BBS4: variants seen among roughly 807,000 people sequenced by gnomAD.
BBS4 encodes BBSome complex member BBS4.
Under a neutral mutation model 71.4 loss-of-function variants are expected in BBS4, and 58 were observed. That is an observed-to-expected ratio of 0.81 (90% CI 0.66 to 1.01). The LOEUF (loss-of-function observed/expected upper bound fraction) is 1.01, where lower values mean the gene tolerates loss of function less well. Among genes scored for constraint, BBS4 ranks in the 50% least tolerant of loss-of-function variants. The pLI is 0.00. For missense variants in BBS4, 660 were observed against 607.9 expected (o/e 1.09, Z -0.90); for synonymous variants, 228 against 216.8 (o/e 1.05, Z -0.46).
rs1468911853 is a variant in BBS4 at position 72,738,105 on chromosome 15, C to A, written c.*518C>A. On this transcript the variant is annotated 3_prime_UTR_variant, in exon 16 of 16. Transcript: ENST00000268057. ...TAGTATACATTTAAAAGAAAAAAAA[C>A]AAAAGCCCTGGAAGTTGAGGCCAAG... 2.2e-6 allele frequency: 1 copy of A among 452,704 alleles called. No homozygotes were observed. The highest frequency in any genetic ancestry group is 2.0e-5 in the African/African-American group (1 of 49,752). The allele number at this position is 452,704 out of a possible 1,614,324, so 28.0% of individuals were successfully genotyped here.
chr15:72,724,406 G>C lies in BBS4; in HGVS notation c.460-122G>C. ...TTTTGGTCTTTGGGTAGTGGGGGCT[G>C]TTTGCTGAAATGTGATGTTCCTATG... On this transcript the variant is annotated intron_variant, in intron 7 of 15. Coordinates refer to ENST00000268057, the MANE Select transcript of BBS4 (RefSeq NM_033028.5). 5 of 1,446,668 alleles carry C rather than the reference G, an allele frequency of 3.5e-6. No individual in the cohort carries two copies. The Admixed American group carries it at 5.6e-5, about 16-fold the overall frequency. The allele number at this position is 1,446,668 out of a possible 1,614,324, so 89.6% of individuals were successfully genotyped here. A position where few individuals can be genotyped will look rare whatever the true frequency, so the allele number is the denominator to read the frequency against.
chr15:72,725,632 C>CT (rs2065657570), intron 8 of BBS4, among the ~76,000 whole-genome samples: 1 of 152,094 alleles, frequency 6.6e-6, no homozygotes, highest in Non-Finnish European at 1.5e-5. Flanking sequence ...AACATTTGGC[C>CT]TTATTAGCAT....
intron 2 of BBS4, among the ~76,000 whole-genome samples, chr15:72,706,847 A>G (rs965007809): frequency 1.3e-5 from 2 of 152,078 alleles, no homozygotes; most frequent in Non-Finnish European, 2.9e-5. Flanking sequence ...TTTTTTAAAA[A>G]AATTAAATTT....
intron 2 of BBS4, among the ~76,000 whole-genome samples, chr15:72,697,173 T>A (rs976410197): frequency 6.6e-6 from 1 of 152,190 alleles, no homozygotes; most frequent in Admixed American, 6.5e-5. Context: ...CCTCAAGTGA[T>A]CCACCTGCTT....
chr15:72,693,828 G>A (rs1393745372), intron 1 of BBS4, among the ~76,000 whole-genome samples: 1 of 151,750 alleles, frequency 6.6e-6, no homozygotes, highest in African/African-American at 2.4e-5. Flanking sequence ...TTGTGATATT[G>A]TCTTCCATTT....
chr15:72,707,633 G>A (rs1278372517), intron 2 of BBS4, among the ~76,000 whole-genome samples: 1 of 152,174 alleles, frequency 6.6e-6, no homozygotes, highest in Non-Finnish European at 1.5e-5. Flanking sequence ...GCATTAAAGA[G>A]TTGAAGTCTC....
intron 12 of BBS4, among the ~76,000 whole-genome samples, chr15:72,734,339 A>C (rs2065880818): frequency 6.6e-6 from 1 of 152,230 alleles, no homozygotes; most frequent in South Asian, 2.1e-4. Flanking sequence ...CCTGAACAAC[A>C]AGCTAAAATG....
chr15:72,708,567 A>G lies in BBS4; in HGVS notation c.77-1133A>G, dbSNP rs1325894786. 3.3e-5 allele frequency among the ~76,000 whole-genome samples: 5 copies of G among 152,214 alleles called. No homozygotes were observed. In the East Asian group the frequency reaches 9.6e-4, roughly 29 times the overall value. ...ATGAAATCAGTGCACCTTGAACAGA[A>G]TAACAGCAATTTTAGGGAACAAGGG... is the stretch of plus-strand genomic sequence containing the variant. On this transcript the variant is annotated intron_variant, in intron 2 of 15. Coordinates refer to ENST00000268057, the MANE Select transcript of BBS4 (RefSeq NM_033028.5).
chr15:72,701,379 T>G (rs1232525193), intron 2 of BBS4, among the ~76,000 whole-genome samples: 1 of 152,160 alleles, frequency 6.6e-6, no homozygotes, highest in Non-Finnish European at 1.5e-5. Flanking sequence ...TGATGAACAT[T>G]TGGGATATTT....
intron 6 of BBS4, among the ~76,000 whole-genome samples, chr15:72,717,647 G>A (rs754490744): frequency 5.1e-4 from 78 of 152,040 alleles, no homozygotes; most frequent in Non-Finnish European, 7.4e-4. Flanking sequence ...GTTAAATGTC[G>A]TTTTTAATCT....
At chr15:72,712,176 C>G in intron 3 of BBS4, 68 bp from the exon 4 acceptor site, 2 of 1,466,718 alleles carry the variant, frequency 1.4e-6, no homozygotes, top group African/African-American at 2.8e-5. Context: ...CTGTCCATGT[C>G]CACTTTTTCT....
chr15:72,716,075 A>G (rs1595928834), intron 5 of BBS4, among the ~76,000 whole-genome samples: 1 of 130,722 alleles, frequency 7.6e-6, no homozygotes, highest in South Asian at 2.4e-4. Context: ...TAGGCTATCT[A>G]TGATGTCTGG....
In BBS4 at chr15:72,715,395, A is replaced by C. The variant is rs199809442; in HGVS notation, c.325A>C (p.Arg109=). The stretch of plus-strand genomic sequence containing the variant: ...TGCTGATAACCTCAAGCAGGTGGCC[A>C]GATCTTTGTGAGTATTGGCAACCTG... ...QSADNLKQVA[R]SLFLLGKHKA... The change falls in exon 5 of 16, where the codon AGA becomes CGA. Residue 109 remains arginine, a synonymous_variant. Coordinates refer to ENST00000268057, the MANE Select transcript of BBS4 (RefSeq NM_033028.5). 4.3e-6 allele frequency: 7 copies of C among 1,612,838 alleles called. No homozygotes were observed. In the African/African-American group the frequency reaches 9.3e-5, roughly 21 times the overall value.
intron 12 of BBS4, among the ~76,000 whole-genome samples, chr15:72,734,219 G>A (rs923582935): frequency 1.3e-5 from 2 of 152,170 alleles, no homozygotes; most frequent in African/African-American, 4.8e-5. Context: ...TGTGTTGATA[G>A]TTTCTTTAGA....
intron 8 of BBS4, among the ~76,000 whole-genome samples, chr15:72,726,086 C>G (rs2065693812): frequency 7.3e-6 from 1 of 136,576 alleles, no homozygotes; most frequent in African/African-American, 2.8e-5. Flanking sequence ...TTGTTTCTTT[C>G]TTTTCTTCCT....
intron 2 of BBS4, among the ~76,000 whole-genome samples, chr15:72,698,804 G>C (rs1345615023): frequency 6.6e-6 from 1 of 152,126 alleles, no homozygotes; most frequent in Admixed American, 6.6e-5. Context: ...TTGGTTCTCA[G>C]ACGTGATTTT....
intron 2 of BBS4, among the ~76,000 whole-genome samples, chr15:72,699,822 C>A (rs2065139180): frequency 6.6e-6 from 1 of 152,138 alleles, no homozygotes; most frequent in Non-Finnish European, 1.5e-5. Flanking sequence ...ATCAGTAGTT[C>A]TTTTATTTAA....
intron 10 of BBS4, among the ~76,000 whole-genome samples, chr15:72,730,738 A>G (rs2065800419): frequency 6.6e-6 from 1 of 152,238 alleles, no homozygotes; most frequent in South Asian, 2.1e-4. Flanking sequence ...CAAGCTGTTT[A>G]TTAAAGGATA....
intron 1 of BBS4, among the ~76,000 whole-genome samples, chr15:72,688,411 C>CTTTTTTTTTTTCTTTTTTT (rs2064915806): frequency 1.2e-5 from 1 of 83,054 alleles, no homozygotes; most frequent in African/African-American, 4.4e-5. Context: ...GGTATTTTAT[C>CTTTTTTTTTTTCTTTTTTT]TTTTTTTTTT....
Sources: gnomAD v4.1 joint callset for allele counts (sites outside exome capture counted in the v4.1 genomes callset) on GRCh38, gnomAD v4.1.1 for gene constraint, MANE v1.5 for transcripts, NCBI Gene and HGNC (gene_info 2026-07-23, HGNC 2026-07-21) for gene names.